The following FGF12 variants were observed in gnomAD, a reference collection of about 807,000 sequenced individuals.
FGF12 encodes fibroblast growth factor 12B.
FGF12 carries 14 observed loss-of-function variants against 23.6 expected under a neutral mutation model. That is an observed-to-expected ratio of 0.59 (90% confidence interval 0.39 to 0.93). FGF12 has a LOEUF of 0.93. Ranked by LOEUF, FGF12 falls within the 40% of genes least tolerant of loss-of-function variation. The pLI, the probability that FGF12 is intolerant of heterozygous loss-of-function variation, is 0.00. For missense variants in FGF12, 175 were observed against 217.8 expected (o/e 0.80, Z 1.24); for synonymous variants, 62 against 77.3 (o/e 0.80, Z 1.04).
At chr3:192,711,030 C>A (rs942294684) in intron 2 of FGF12, among the ~76,000 whole-genome samples, 2 of 152,198 alleles carry the variant, frequency 1.3e-5, no homozygotes, top group Non-Finnish European at 1.5e-5. Flanking sequence ...TGACAACAAG[C>A]CCCACCCATG....
chr3:192,622,173 C>A (rs975420452), intron 2 of FGF12, among the ~76,000 whole-genome samples: 7 of 152,244 alleles, frequency 4.6e-5, no homozygotes, highest in African/African-American at 7.2e-5. Flanking sequence ...CCTCCCTCAG[C>A]CCAAGGGTAT....
At chr3:192,698,527 C>T (rs533453575) in intron 2 of FGF12, among the ~76,000 whole-genome samples, 2 of 152,108 alleles carry the variant, frequency 1.3e-5, no homozygotes, top group South Asian at 4.1e-4. Context: ...AAAATATTTA[C>T]TGAGTGTTAA....
At chr3:192,415,903 T>C (rs1721338750) in intron 2 of FGF12, among the ~76,000 whole-genome samples, 1 of 152,076 alleles carries the variant, frequency 6.6e-6, no homozygotes, top group African/African-American at 2.4e-5. Context: ...TTTAATAATC[T>C]TCACATTCAT....
At chr3:192,505,935 T>C (rs764300331) in intron 2 of FGF12, among the ~76,000 whole-genome samples, 11 of 152,166 alleles carry the variant, frequency 7.2e-5, no homozygotes, top group African/African-American at 1.9e-4. Context: ...GTGGCTAATA[T>C]AGGAGGAGTT....
chr3:192,507,407 GATATAA>G (rs1724348071), intron 2 of FGF12, among the ~76,000 whole-genome samples: 1 of 149,194 alleles, frequency 6.7e-6, no homozygotes, highest in African/African-American at 2.5e-5. Context: ...ATTTTAAATA[GATATAA>G]ATATATTTAA....
At chr3:192,685,336 C>A (rs1282296124) in intron 2 of FGF12, among the ~76,000 whole-genome samples, 1 of 152,216 alleles carries the variant, frequency 6.6e-6, no homozygotes, top group Non-Finnish European at 1.5e-5. Context: ...CAGGCGTGAG[C>A]CACTGTGCCT....
At chr3:192,461,078 A>G (rs146581613) in intron 2 of FGF12, among the ~76,000 whole-genome samples, 1 of 152,318 alleles carries the variant, frequency 6.6e-6, no homozygotes, top group East Asian at 1.9e-4. Flanking sequence ...GTGATAACCT[A>G]TATAACATAC....
intron 4 of FGF12, among the ~76,000 whole-genome samples, chr3:192,310,474 T>C (rs984726816): frequency 6.6e-6 from 1 of 152,170 alleles, no homozygotes; most frequent in East Asian, 1.9e-4. Flanking sequence ...AATTGCAATT[T>C]GCAAATACTT....
At position 192,332,355 on chromosome 3, in the gene FGF12, T is replaced by C. The variant is rs1717168137; in HGVS notation, c.228+3006A>G. On this transcript the variant is annotated intron_variant, in intron 4 of 5. Coordinates refer to ENST00000445105, the MANE Select transcript of FGF12 (RefSeq NM_004113.6). ...CTGAGGTTACAAACTTGCAGAAGAA[T>C]TTAATAAAATAAAAAAATGTGAATA... is the stretch of plus-strand genomic sequence containing the variant. Among the ~76,000 whole-genome samples the C allele has an allele frequency of 2.0e-5, 3 of 151,822 alleles. No homozygotes were observed. The South Asian group carries it at 6.2e-4, about 31-fold the overall frequency.
intron 2 of FGF12, among the ~76,000 whole-genome samples, chr3:192,612,703 A>G (rs1239049570): frequency 1.3e-5 from 2 of 151,970 alleles, no homozygotes; most frequent in African/African-American, 4.8e-5. Context: ...ATATATTTTC[A>G]TATTCTGCTT....
intron 4 of FGF12, among the ~76,000 whole-genome samples, chr3:192,274,165 A>C (rs1713630453): frequency 6.6e-6 from 1 of 152,208 alleles, no homozygotes; most frequent in Non-Finnish European, 1.5e-5. Flanking sequence ...TATTTGCTAT[A>C]TCCAGAGATA....
chr3:192,282,079 G>A (rs2108640641), intron 4 of FGF12, among the ~76,000 whole-genome samples: 1 of 152,264 alleles, frequency 6.6e-6, no homozygotes, highest in East Asian at 1.9e-4. Context: ...GTAAGTGATA[G>A]GTGGTGTTTT....
intron 2 of FGF12, among the ~76,000 whole-genome samples, chr3:192,653,112 A>C (rs946842806): frequency 3.3e-5 from 5 of 152,188 alleles, no homozygotes; most frequent in African/African-American, 1.2e-4. Flanking sequence ...TCTTTAGGGA[A>C]CACCTATGTC....
chr3:192,177,588 C>G (rs138640267), intron 4 of FGF12, among the ~76,000 whole-genome samples: 5 of 152,162 alleles, frequency 3.3e-5, no homozygotes, highest in African/African-American at 7.2e-5. Flanking sequence ...TTTGCAGATC[C>G]CTGTTTCCTC....
chr3:192,428,895 C>A (rs1576975219), intron 2 of FGF12, among the ~76,000 whole-genome samples: 1 of 152,126 alleles, frequency 6.6e-6, no homozygotes, highest in East Asian at 1.9e-4. Flanking sequence ...CTGTGTTTGA[C>A]CCACCTCCAT....
At chr3:192,253,513 A>G (rs1712174779) in intron 4 of FGF12, among the ~76,000 whole-genome samples, 1 of 152,138 alleles carries the variant, frequency 6.6e-6, no homozygotes, top group Non-Finnish European at 1.5e-5. Flanking sequence ...GTTAACAGTA[A>G]GAAATGAAGA....
chr3:192,477,251 A>G (rs1388431718), intron 2 of FGF12, among the ~76,000 whole-genome samples: 2 of 152,148 alleles, frequency 1.3e-5, no homozygotes, highest in African/African-American at 2.4e-5. Flanking sequence ...TCTTCACTCT[A>G]TCTCCTGCCA....
At chr3:192,629,271 A>T (rs1489434028) in intron 2 of FGF12, among the ~76,000 whole-genome samples, 1 of 152,208 alleles carries the variant, frequency 6.6e-6, no homozygotes, top group Admixed American at 6.5e-5. Context: ...CAGCAAGTTG[A>T]TTTACTTCAT....
At chr3:192,617,211 C>T (rs1487910373) in intron 2 of FGF12, among the ~76,000 whole-genome samples, 1 of 151,978 alleles carries the variant, frequency 6.6e-6, no homozygotes, top group East Asian at 1.9e-4. Flanking sequence ...AAATTTCAGA[C>T]TTAAGGAGAA....
Sources: gnomAD v4.1 joint callset for allele counts (sites outside exome capture counted in the v4.1 genomes callset) on GRCh38, gnomAD v4.1.1 for gene constraint, MANE v1.5 for transcripts, NCBI Gene and HGNC (gene_info 2026-07-23, HGNC 2026-07-21) for gene names.